ELF1: variants seen among roughly 807,000 people sequenced by gnomAD.
ELF1 encodes the protein ETS-related transcription factor Elf-1.
ELF1 carries 24 observed loss-of-function variants against 59.9 expected under a neutral mutation model. The ratio of observed to expected loss-of-function variants is 0.40; its 90% CI spans 0.29 to 0.56. ELF1 has a LOEUF of 0.56. Ranked by LOEUF, ELF1 falls within the 20% of genes least tolerant of loss-of-function variation. The pLI is 0.44. For missense variants in ELF1, 627 were observed against 742.2 expected, an observed-to-expected ratio of 0.84 and a Z score of 1.80; for synonymous variants, 248 against 266.2, an observed-to-expected ratio of 0.93 and a Z score of 0.67.
At chr13:41,013,858 T>C (rs1875212620) in intron 1 of ELF1, among the ~76,000 whole-genome samples, 1 of 152,058 alleles carries the variant, frequency 6.6e-6, no homozygotes, top group African/African-American at 2.4e-5. Context: ...ATTGTTACAC[T>C]TCATTTTAAT....
At chr13:40,975,878 A>G (rs1254407149) in intron 2 of ELF1, among the ~76,000 whole-genome samples, 1 of 152,210 alleles carries the variant, frequency 6.6e-6, no homozygotes, top group Admixed American at 6.5e-5. Flanking sequence ...CTTTAAGAGG[A>G]CTCAGTGATA....
chr13:40,945,752 T>C (rs1332210999), intron 5 of ELF1, among the ~76,000 whole-genome samples: 1 of 152,252 alleles, frequency 6.6e-6, no homozygotes, highest in Non-Finnish European at 1.5e-5. Flanking sequence ...TTCATATTTT[T>C]TAATCCACAC....
intron 1 of ELF1, among the ~76,000 whole-genome samples, chr13:41,030,307 A>G (rs1876110953): frequency 6.6e-6 from 1 of 152,194 alleles, no homozygotes; most frequent in African/African-American, 2.4e-5. Context: ...TCTGAGAAAA[A>G]AATGACAGTT....
At chr13:40,956,037 C>G (rs1006069029) in intron 3 of ELF1, among the ~76,000 whole-genome samples, 3 of 148,014 alleles carry the variant, frequency 2.0e-5, no homozygotes, top group Non-Finnish European at 4.5e-5. Flanking sequence ...AAGTGAGGAG[C>G]CCCTCTGCCC....
At chr13:41,050,560 A>G (rs1158546026) in intron 1 of ELF1, among the ~76,000 whole-genome samples, 1 of 152,120 alleles carries the variant, frequency 6.6e-6, no homozygotes, top group African/African-American at 2.4e-5. Context: ...TTCTCTTTCA[A>G]AAAAAATTTT....
chr13:40,977,719 G>A (rs1034664424), intron 2 of ELF1, among the ~76,000 whole-genome samples: 25 of 152,098 alleles, frequency 1.6e-4, no homozygotes, highest in Admixed American at 1.5e-3. Context: ...TTTTCATGTA[G>A]CTTAACAAGC....
At chr13:40,968,426 C>A (rs1872318244) in intron 2 of ELF1, among the ~76,000 whole-genome samples, 1 of 152,164 alleles carries the variant, frequency 6.6e-6, no homozygotes, top group Non-Finnish European at 1.5e-5. Flanking sequence ...TAATACAGAA[C>A]ATATTTATAT....
chr13:41,026,679 G>A (rs1469118778), intron 1 of ELF1, among the ~76,000 whole-genome samples: 4 of 152,194 alleles, frequency 2.6e-5, no homozygotes, highest in Admixed American at 6.5e-5. Context: ...CATTCACCAC[G>A]GGCCACCAAG....
chr13:41,052,211 A>T (rs567668836), intron 1 of ELF1, among the ~76,000 whole-genome samples: 90 of 152,242 alleles, frequency 5.9e-4, no homozygotes, highest in African/African-American at 2.1e-3. Context: ...AAGTGCTGGG[A>T]TTATAGGCGT....
At chr13:41,011,345 C>A (rs1405875091) in intron 1 of ELF1, among the ~76,000 whole-genome samples, 1 of 152,182 alleles carries the variant, frequency 6.6e-6, no homozygotes, top group Non-Finnish European at 1.5e-5. Flanking sequence ...ACTATTTATT[C>A]ATCTAGAAGT....
intron 1 of ELF1, among the ~76,000 whole-genome samples, chr13:41,005,181 T>A (rs1187049608): frequency 6.6e-5 from 10 of 152,112 alleles, no homozygotes; most frequent in Non-Finnish European, 1.3e-4. Context: ...GTGAAGAGTG[T>A]TTATGCAAAC....
Position 41,058,664 on chromosome 13 carries a change from T to C in ELF1, c.-229+2174A>G, listed in dbSNP as rs377126979. Reference sequence around the variant, plus strand: ...TTTAGCACCATTTGGTACAATGTTGTAAACTCATTACAAAATACAAGGTCA... The same window carrying C: ...TTTAGCACCATTTGGTACAATGTTGCAAACTCATTACAAAATACAAGGTCA... On this transcript the variant is annotated intron_variant, in intron 1 of 1. Coordinates refer to the ELF1 transcript ENST00000405737. Among the ~76,000 whole-genome samples, 29 of 152,328 alleles carry C rather than the reference T, an allele frequency of 1.9e-4. No individual in the cohort carries two copies. The East Asian group carries it at 4.4e-3, about 23-fold the overall frequency.
At chr13:41,050,142 C>T (rs1425099911) in intron 1 of ELF1, among the ~76,000 whole-genome samples, 1 of 152,118 alleles carries the variant, frequency 6.6e-6, no homozygotes, top group East Asian at 1.9e-4. Context: ...AAAGCTGAAA[C>T]TCTATATCCA....
chr13:40,991,996 G>A (rs1425771978), intron 1 of ELF1, among the ~76,000 whole-genome samples: 2 of 152,268 alleles, frequency 1.3e-5, no homozygotes, highest in Admixed American at 6.5e-5. Context: ...TAAATCAGAT[G>A]TTTATTGTAT....
chr13:41,058,741 G>C (rs1194634848), intron 1 of ELF1, among the ~76,000 whole-genome samples: 1 of 152,236 alleles, frequency 6.6e-6, no homozygotes, highest in Non-Finnish European at 1.5e-5. Context: ...GGGAGGCCGA[G>C]GTGGGTGGAT....
intron 2 of ELF1, among the ~76,000 whole-genome samples, chr13:40,968,430 T>C (rs1234071867): frequency 6.6e-6 from 1 of 152,188 alleles, no homozygotes; most frequent in Non-Finnish European, 1.5e-5. Context: ...ACAGAACATA[T>C]TTATATTCCA....
intron 1 of ELF1, among the ~76,000 whole-genome samples, chr13:41,026,691 T>C (rs1875941858): frequency 6.6e-6 from 1 of 152,152 alleles, no homozygotes; most frequent in African/African-American, 2.4e-5. Flanking sequence ...GCCACCAAGT[T>C]ATCATGCAAT....
intron 2 of ELF1, among the ~76,000 whole-genome samples, chr13:40,970,726 G>C (rs1872486011): frequency 1.3e-5 from 2 of 151,990 alleles, no homozygotes. Flanking sequence ...TCATTTTTAT[G>C]GATTATGTAC....
chr13:40,963,612 A>T (rs1029106785), intron 2 of ELF1, among the ~76,000 whole-genome samples: 11 of 152,366 alleles, frequency 7.2e-5, no homozygotes, highest in Admixed American at 5.9e-4. Context: ...TTTCATAAGA[A>T]TATGAATAGT....
Sources: allele counts gnomAD v4.1 joint callset (sites outside exome capture counted in the v4.1 genomes callset), GRCh38; gene constraint gnomAD v4.1.1; transcripts MANE v1.5; gene names NCBI Gene and HGNC (gene_info 2026-07-23, HGNC 2026-07-21).